NR2C1: variants seen among roughly 807,000 people sequenced by gnomAD.
NR2C1 encodes the protein TR2 nuclear hormone receptor.
In NR2C1, 33 loss-of-function variants were observed where a neutral mutation model predicts 74.8. The ratio of observed to expected loss-of-function variants is 0.44; its 90% confidence interval spans 0.33 to 0.59. NR2C1 has a LOEUF of 0.59. NR2C1 is among the 20% of genes least tolerant of loss of function. NR2C1 has a pLI of 0.02. For missense variants in NR2C1, 568 were observed against 715.6 expected, an observed-to-expected ratio of 0.79 and a Z score of 2.35; for synonymous variants, 225 against 240.6, an observed-to-expected ratio of 0.94 and a Z score of 0.60.
At chr12:95,056,621 T>C (rs762941617) in intron 7 of NR2C1, among the ~76,000 whole-genome samples, 3 of 152,108 alleles carry the variant, frequency 2.0e-5, no homozygotes, top group Non-Finnish European at 4.4e-5. Context: ...ATAAAAAAAG[T>C]ATTTTGGCAC....
chr12:95,053,807 C>CCGCA (rs1346808811), intron 7 of NR2C1, among the ~76,000 whole-genome samples: 15 of 151,820 alleles, frequency 9.9e-5, no homozygotes, highest in African/African-American at 2.9e-4. Flanking sequence ...CCTCAGCCTC[C>CCGCA]TGAGGAGCTG....
At chr12:95,071,060 G>A (rs1057117655) in intron 1 of NR2C1, among the ~76,000 whole-genome samples, 1 of 152,170 alleles carries the variant, frequency 6.6e-6, no homozygotes, top group Non-Finnish European at 1.5e-5. Context: ...ATTTAGCCGG[G>A]TGTGGTGGAC....
At chr12:95,061,625 T>C (rs1874797207) in intron 3 of NR2C1, among the ~76,000 whole-genome samples, 1 of 152,224 alleles carries the variant, frequency 6.6e-6, no homozygotes, top group Admixed American at 6.5e-5. Flanking sequence ...TATCAGGATA[T>C]ACAGACAAAA....
At chr12:95,057,703 C>T in intron 6 of NR2C1, 28 bp downstream of exon 6, 1 of 1,612,544 alleles carries the variant, frequency 6.2e-7, no homozygotes, top group Non-Finnish European at 8.5e-7. Context: ...ACAAAATGAC[C>T]AGCTACTCAG....
In NR2C1 at chr12:95,043,689, C is replaced by CAAAAAAAAAAAAAAAAAAAAAAAAAAAA. The variant is rs34229669; in HGVS notation, c.1132-3093_1132-3092insTTTTTTTTTTTTTTTTTTTTTTTTTTTT. Among the ~76,000 whole-genome samples, 202 of 94,000 alleles carry CAAAAAAAAAAAAAAAAAAAAAAAAAAAA rather than the reference C, an allele frequency of 2.1e-3. 4 individuals are homozygous for CAAAAAAAAAAAAAAAAAAAAAAAAAAAA. Among genetic ancestry groups the CAAAAAAAAAAAAAAAAAAAAAAAAAAAA allele is most frequent in the African/African-American group, 3.9e-3 (97 of 24,924 alleles). The allele number at this position is 94,000 out of a possible 152,430, so 61.7% of individuals were successfully genotyped here. ...TGGGAGACAGAGCAAGACTCTGTCT[C>CAAAAAAAAAAAAAAAAAAAAAAAAAAAA]AAAAAAAAAAAAAATCCTTTGCAAA... is the stretch of plus-strand genomic sequence containing the variant. On this transcript the variant is annotated intron_variant, in intron 9 of 13. Transcript: ENST00000333003.
chr12:95,024,985 A>C (rs987154085), intron 13 of NR2C1, among the ~76,000 whole-genome samples, 165 bp downstream of exon 13: 1 of 152,238 alleles, frequency 6.6e-6, no homozygotes, highest in East Asian at 1.9e-4. Flanking sequence ...GAAATATTTT[A>C]TGTAACGTAC....
At chr12:95,072,732 T>A (rs990502529) in intron 1 of NR2C1, 1 of 152,296 alleles carries the variant, frequency 6.6e-6, no homozygotes, top group Non-Finnish European at 1.5e-5. Flanking sequence ...AAGAGCTATC[T>A]ATCGGAAGCT....
chr12:95,041,204 C>T (rs147954985), intron 9 of NR2C1, among the ~76,000 whole-genome samples: 116 of 152,222 alleles, frequency 7.6e-4, no homozygotes, highest in African/African-American at 2.6e-3. Flanking sequence ...AAAAAACTGG[C>T]AGGCCGGGTG....
intron 2 of NR2C1, among the ~76,000 whole-genome samples, chr12:95,064,973 G>C (rs1463216991): frequency 1.3e-5 from 2 of 152,168 alleles, no homozygotes; most frequent in East Asian, 1.9e-4. Context: ...TGACTTCTTA[G>C]AGAAGAGCAT....
intron 10 of NR2C1, 63 bp from the exon 11 acceptor site, chr12:95,031,551 C>G (rs926138395): frequency 7.0e-6 from 9 of 1,283,508 alleles, no homozygotes; most frequent in Non-Finnish European, 9.4e-6. Flanking sequence ...ATAAACCTTA[C>G]AGCTAGTCCA....
At position 95,060,952 on chromosome 12, in the gene NR2C1, T is replaced by A. The variant is rs377244900; in HGVS notation, c.286-968A>T. ...TGGTACTAGATGTCCTATGAAAGCA[T>A]CTATGGCAAGTATTACTCTTTAATA... On this transcript the variant is annotated intron_variant, in intron 3 of 13. Coordinates refer to ENST00000333003, the MANE Select transcript of NR2C1 (RefSeq NM_003297.4). 1.1e-3 allele frequency among the ~76,000 whole-genome samples: 173 copies of A among 152,348 alleles called. 1 individual carries two copies. Among genetic ancestry groups the A allele is most frequent in the African/African-American group, 4.1e-3 (169 of 41,582 alleles).
Position 95,062,532 on chromosome 12 carries a change from A to G in NR2C1, c.261T>C (p.Pro87=). ...CCTGCAGGTGTTGTGCAGACAGATCAGGAGTGGTAAAAAATAACTGGTTGA... is the reference window on the plus strand; with the variant it reads ...CCTGCAGGTGTTGTGCAGACAGATCGGGAGTGGTAAAAAATAACTGGTTGA... The part of the protein sequence containing the change: ...AGVNQLFFTT[P]DLSAQHLQLL... The change falls in exon 3 of 14, where the codon CCT becomes CCC. Residue 87 remains proline (P), a synonymous_variant. Coordinates refer to ENST00000333003, the MANE Select transcript of NR2C1 (RefSeq NM_003297.4). 6.2e-7 allele frequency: 1 copy of G among 1,610,462 alleles called. No homozygotes were observed. The highest frequency in any genetic ancestry group is 8.5e-7 in the Non-Finnish European group (1 of 1,177,762).
chr12:95,070,272 CA>C (rs915691539), intron 1 of NR2C1, among the ~76,000 whole-genome samples: 14 of 152,086 alleles, frequency 9.2e-5, no homozygotes, highest in African/African-American at 3.4e-4. Context: ...GCTGGGATTA[CA>C]GGCATGCACC....
intron 8 of NR2C1, among the ~76,000 whole-genome samples, chr12:95,050,970 C>T (rs1009950348): frequency 1.3e-5 from 2 of 152,130 alleles, no homozygotes; most frequent in African/African-American, 4.8e-5. Flanking sequence ...GCTCTCCATA[C>T]ACATCTTCAT....
intron 7 of NR2C1, among the ~76,000 whole-genome samples, chr12:95,053,290 A>C (rs771793926): frequency 3.3e-5 from 5 of 151,978 alleles, no homozygotes; most frequent in Non-Finnish European, 7.4e-5. Flanking sequence ...CATTTTTTTA[A>C]TGTTTGTTGA....
At chr12:95,038,976 G>A (rs1871190006) in intron 10 of NR2C1, among the ~76,000 whole-genome samples, 1 of 152,120 alleles carries the variant, frequency 6.6e-6, no homozygotes, top group Admixed American at 6.5e-5. Context: ...GGGCGAGGTG[G>A]TGCATGCCTG....
intron 7 of NR2C1, among the ~76,000 whole-genome samples, chr12:95,052,681 G>T (rs1873200100): frequency 6.6e-6 from 1 of 151,212 alleles, no homozygotes; most frequent in African/African-American, 2.4e-5. Flanking sequence ...TTGAACTCCT[G>T]GTATCAAGTG....
In NR2C1 at chr12:95,040,567, G is replaced by C; in HGVS notation, c.1162C>G (p.Leu388Val). ...GACTCCCCAATGTAGTGCACATTCA[G>C]GTACTCAGGCATAGGAGAAGGCATG... ...LTMPSPMPEYLNVHYIGESAS... is the reference protein window; with the variant it reads ...LTMPSPMPEYVNVHYIGESAS... The change falls in exon 10 of 14, where the codon CTG becomes GTG. Residue 388 changes from leucine to valine, a missense_variant. Physicochemically the swap from Leu to Val is conservative, Grantham distance 32. Around this residue, in one of 6 missense-constraint regions of NR2C1, gnomAD observed 39 missense variants for 64.6 expected, o/e 0.60. Coordinates refer to ENST00000333003, the MANE Select transcript of NR2C1 (RefSeq NM_003297.4). The C allele has an allele frequency of 1.2e-6, 2 of 1,613,440 alleles. No homozygotes were observed. Among genetic ancestry groups the C allele is most frequent in the Non-Finnish European group, 1.7e-6 (2 of 1,179,536 alleles).
chr12:95,031,297 A>C, intron 11 of NR2C1, 52 bp downstream of exon 11: 1 of 1,437,432 alleles, frequency 7.0e-7, no homozygotes, highest in Admixed American at 2.6e-5. Flanking sequence ...ACATTTAATG[A>C]AACTCATGCC....
Sources: allele counts gnomAD v4.1 joint callset (sites outside exome capture counted in the v4.1 genomes callset), GRCh38; gene constraint gnomAD v4.1.1; regional missense constraint gnomAD v4.1.1; transcripts MANE v1.5; gene names NCBI Gene and HGNC (gene_info 2026-07-23, HGNC 2026-07-21).